Variants in TRPV4 observed in about 807,000 individuals in gnomAD.
TRPV4 encodes transient receptor potential cation channel subfamily V member 4.
Under a neutral mutation model 84.1 loss-of-function variants are expected in TRPV4, and 58 were observed. The observed-to-expected ratio is 0.69, with a 90% CI of 0.56 to 0.86. The LOEUF is 0.86. Among genes scored for constraint, TRPV4 ranks in the 40% least tolerant of loss-of-function variants. The pLI, the probability that TRPV4 is intolerant of heterozygous loss-of-function variation, is 0.00. For missense variants in TRPV4, 879 were observed against 1,181.1 expected, an observed-to-expected ratio of 0.74 and a Z score of 3.75; for synonymous variants, 489 against 500.9, an observed-to-expected ratio of 0.98 and a Z score of 0.32.
chr12:109,822,237 G>T (rs1159369958), intron 1 of TRPV4, among the ~76,000 whole-genome samples: 2 of 151,986 alleles, frequency 1.3e-5, no homozygotes, highest in African/African-American at 4.8e-5. Flanking sequence ...GGAATCCATG[G>T]GTAGGAAGGA....
rs763433805 is a variant in TRPV4, at chr12:109,794,008, G to T, written c.1506C>A (p.Tyr502Ter). 7 of 1,607,830 alleles carry T rather than the reference G, an allele frequency of 4.4e-6. No individual in the cohort carries two copies. The highest frequency in any genetic ancestry group is 5.9e-6 in the Non-Finnish European group (7 of 1,178,200). The change falls in exon 9 of 16, where the codon TAC (tyrosine) becomes TAA (stop). Residue 502 changes from tyrosine to a stop codon, truncating the protein, a stop_gained. Transcript: ENST00000261740. LOFTEE classifies it high-confidence loss of function. The stretch of plus-strand genomic sequence containing the variant: ...GCCGCAGGTAGTCCACCGTGGTGCG[G>T]TAAGGGTACGGCGGCTGGGGAGCAG... ...QPLEGTPPYP[Y>*]RTTVDYLRLA...
chr12:109,803,525 A>G (rs1308709636), intron 3 of TRPV4, among the ~76,000 whole-genome samples: 1 of 152,126 alleles, frequency 6.6e-6, no homozygotes, highest in Non-Finnish European at 1.5e-5. Flanking sequence ...ATCCTAGCTC[A>G]TTGCAGCCTC....
At chr12:109,809,280 T>C (rs1891360850) in intron 2 of TRPV4, among the ~76,000 whole-genome samples, 1 of 131,004 alleles carries the variant, frequency 7.6e-6, no homozygotes, top group East Asian at 2.6e-4. Context: ...TACCCGCCCA[T>C]CCATCCATCC....
At chr12:109,830,636 G>A (rs1892384870) in intron 1 of TRPV4, among the ~76,000 whole-genome samples, 1 of 152,196 alleles carries the variant, frequency 6.6e-6, no homozygotes, top group African/African-American at 2.4e-5. Flanking sequence ...GTGACAACAA[G>A]AGGAGCTGTT....
chr12:109,785,225 A>G (rs746628270), intron 14 of TRPV4, among the ~76,000 whole-genome samples: 3 of 151,726 alleles, frequency 2.0e-5, no homozygotes, highest in Non-Finnish European at 4.4e-5. Context: ...GGGTTTCACT[A>G]TGTTGGTCTT....
In TRPV4 at chr12:109,796,835, G is replaced by C; in HGVS notation, c.1153-131C>G. The C allele has an allele frequency of 2.2e-6, 2 of 920,636 alleles. No individual in the cohort carries two copies. The highest frequency in any genetic ancestry group is 3.2e-6 in the Non-Finnish European group (2 of 633,318). 57.0% of individuals were successfully genotyped at this position (920,636 alleles called of 1,614,324 possible). ...TGCTGGAGGACCCTTTCCTCATCTT[G>C]TTTAATTCTTGCTCTTATTATCTTG... On this transcript the variant is annotated intron_variant, in intron 6 of 15. Transcript: ENST00000261740. This position sits in a 1 kb window ranked among gnomAD's most constrained non-coding sequence, Gnocchi z 4.2.
intron 1 of TRPV4, among the ~76,000 whole-genome samples, chr12:109,826,852 TG>T (rs1892264549): frequency 1.3e-5 from 2 of 152,204 alleles, no homozygotes; most frequent in Admixed American, 1.3e-4. Context: ...CTGGATTACT[TG>T]TCATTGTGGG....
intron 3 of TRPV4, among the ~76,000 whole-genome samples, chr12:109,806,883 A>C (rs896728416): frequency 1.1e-4 from 17 of 150,876 alleles, no homozygotes; most frequent in Admixed American, 1.1e-3. Flanking sequence ...GAAAAAAAAA[A>C]AAAAAACAGG....
rs61943778 is a variant in TRPV4 at position 109,815,241 on chromosome 12, C to T, written c.-31-414G>A. On this transcript the variant is annotated intron_variant, in intron 1 of 15. Transcript: ENST00000261740. The surrounding 1 kb of genome is among the most constrained non-coding windows in gnomAD (Gnocchi z 4.1). The stretch of plus-strand genomic sequence containing the variant: ...TGAGCAAGTCGACATTTCATAGCCT[C>T]AGCTTCCTGATCTGTAAGATGGGGA... 0.027 allele frequency among the ~76,000 whole-genome samples: 4,069 copies of T among 152,356 alleles called. 101 individuals carry two copies. The highest frequency in any genetic ancestry group is 0.097 in the South Asian group (471 of 4,832).
chr12:109,793,618 G>A lies in TRPV4; in HGVS notation c.1585-18C>T, dbSNP rs201974634. 2.1e-3 allele frequency: 3,368 copies of A among 1,608,766 alleles called. 4 individuals are homozygous for A. The highest frequency in any genetic ancestry group is 2.6e-3 in the Non-Finnish European group (3,044 of 1,175,238). On this transcript the variant is annotated intron_variant, in intron 9 of 15. Coordinates refer to ENST00000261740, the MANE Select transcript of TRPV4 (RefSeq NM_021625.5). This position sits in a 1 kb window ranked among gnomAD's most constrained non-coding sequence, Gnocchi z 4.0. ...TCTTTGATCTGGAAGACAGGAGGGG[G>A]CACGTGAAAGGGGTGGGGCCAGCAG...
chr12:109,807,742 C>G, intron 3 of TRPV4, among the ~76,000 whole-genome samples: 1 of 152,142 alleles, frequency 6.6e-6, no homozygotes, highest in East Asian at 1.9e-4. Context: ...GGTTAGCTCT[C>G]TGGGCTGGGG....
chr12:109,816,024 T>C (rs994016462), intron 1 of TRPV4, among the ~76,000 whole-genome samples: 2 of 152,230 alleles, frequency 1.3e-5, no homozygotes, highest in African/African-American at 4.8e-5. Flanking sequence ...CCTGGAACTC[T>C]TACCACCCCA....
intron 15 of TRPV4, 26 bp downstream of exon 15, chr12:109,784,290 C>T: frequency 6.2e-7 from 1 of 1,614,006 alleles, no homozygotes; most frequent in Non-Finnish European, 8.5e-7. Flanking sequence ...ACTGGGGCTC[C>T]CCTCCGCACC....
At chr12:109,824,488 G>C (rs2136708027) in intron 1 of TRPV4, among the ~76,000 whole-genome samples, 1 of 152,064 alleles carries the variant, frequency 6.6e-6, no homozygotes, top group East Asian at 2.0e-4. Context: ...GGGCGCAGTG[G>C]CTCACGCCTG....
At chr12:109,816,066 T>G (rs115034565) in intron 1 of TRPV4, among the ~76,000 whole-genome samples, 1 of 152,220 alleles carries the variant, frequency 6.6e-6, no homozygotes, top group Non-Finnish European at 1.5e-5. Context: ...TGAAAAGCCC[T>G]CTCTTGTACA....
chr12:109,823,960 T>TGC (rs1491114739), intron 1 of TRPV4, among the ~76,000 whole-genome samples: 1 of 151,224 alleles, frequency 6.6e-6, no homozygotes, highest in African/African-American at 2.4e-5. Flanking sequence ...TGTGTGTGTG[T>TGC]GCGCATGTGT....
intron 12 of TRPV4, 113 bp downstream of exon 12, chr12:109,792,243 CAAAAAAA>C (rs768558199): frequency 1.2e-4 from 46 of 379,478 alleles, no homozygotes; most frequent in Middle Eastern, 4.8e-4. Flanking sequence ...AACTCCACCT[CAAAAAAA>C]AAAAAAAAAA....
chr12:109,832,671 G>A (rs968120160), intron 1 of TRPV4: 2 of 153,408 alleles, frequency 1.3e-5, no homozygotes, highest in African/African-American at 4.8e-5. Context: ...GCAAAACAGA[G>A]AGGACAGACA....
At chr12:109,794,151 A>C in intron 8 of TRPV4, 129 bp from the exon 9 acceptor site, 1 of 1,130,078 alleles carries the variant, frequency 8.8e-7, no homozygotes, top group East Asian at 2.6e-5. Flanking sequence ...CTTCCTCCTG[A>C]GTCTTCCTCC....
Sources: allele counts gnomAD v4.1 joint callset (sites outside exome capture counted in the v4.1 genomes callset), GRCh38; gene constraint gnomAD v4.1.1; non-coding constraint Gnocchi (gnomAD v3.1); transcripts MANE v1.5; gene names NCBI Gene and HGNC (gene_info 2026-07-23, HGNC 2026-07-21).